GUCY1A2: variants seen among roughly 807,000 people sequenced by gnomAD.
GUCY1A2 encodes the protein guanylate cyclase 1 soluble subunit alpha 2.
Under a neutral mutation model 63.5 loss-of-function variants are expected in GUCY1A2, and 27 were observed. That is an observed-to-expected ratio of 0.43 (90% CI 0.31 to 0.59). The LOEUF (loss-of-function observed/expected upper bound fraction) is 0.59, where lower values mean the gene tolerates loss of function less well. GUCY1A2 is among the 20% of genes least tolerant of loss of function. The pLI is 0.11. For missense variants in GUCY1A2, 768 were observed against 913.3 expected (o/e 0.84, Z 2.05); for synonymous variants, 364 against 343.5 (o/e 1.06, Z -0.66).
intron 1 of GUCY1A2, among the ~76,000 whole-genome samples, chr11:107,011,545 TATAA>T (rs954135938): frequency 2.7e-5 from 4 of 146,642 alleles, no homozygotes; most frequent in African/African-American, 7.4e-5. Flanking sequence ...ATATTAAATA[TATAA>T]ATATATTTAT....
chr11:106,803,187 G>A (rs1170258480), intron 5 of GUCY1A2, among the ~76,000 whole-genome samples: 1 of 152,080 alleles, frequency 6.6e-6, no homozygotes, highest in Non-Finnish European at 1.5e-5. Context: ...ATAGACATTT[G>A]GGGTTCAGTT....
At chr11:106,790,282 C>T (rs1195006479) in intron 5 of GUCY1A2, among the ~76,000 whole-genome samples, 2 of 152,188 alleles carry the variant, frequency 1.3e-5, no homozygotes, top group Non-Finnish European at 2.9e-5. Context: ...CCACCATAGG[C>T]CCACAGGGAC....
At chr11:106,702,797 T>C (rs1862839417) in intron 7 of GUCY1A2, among the ~76,000 whole-genome samples, 1 of 152,076 alleles carries the variant, frequency 6.6e-6, no homozygotes. Context: ...TCCCTTCTTG[T>C]AGGAAGAATA....
chr11:106,897,722 G>A, intron 4 of GUCY1A2, among the ~76,000 whole-genome samples: 1 of 150,630 alleles, frequency 6.6e-6, no homozygotes, highest in African/African-American at 2.4e-5. Context: ...ATGGATCACA[G>A]ACCAAATGTT....
intron 6 of GUCY1A2, among the ~76,000 whole-genome samples, chr11:106,722,369 C>G (rs1011940752): frequency 1.3e-5 from 2 of 151,756 alleles, no homozygotes; most frequent in African/African-American, 4.8e-5. Context: ...CCAAATTTAG[C>G]TATTTTTAAA....
Position 106,994,471 on chromosome 11 carries a change from T to C in GUCY1A2, c.304-8340A>G, listed in dbSNP as rs568200360. Among the ~76,000 whole-genome samples, 22 of 152,340 alleles carry C rather than the reference T, an allele frequency of 1.4e-4. No homozygotes were observed. In the South Asian group the frequency reaches 4.4e-3, roughly 30 times the overall value. ...TTCAGGCAAGAACACACTTAAGTCA[T>C]CCAAGGATGTCTGATGTTTTCAAAG... On this transcript the variant is annotated intron_variant, in intron 1 of 7. Transcript: ENST00000526355.
intron 1 of GUCY1A2, among the ~76,000 whole-genome samples, chr11:107,012,208 T>C (rs546500133): frequency 3.4e-4 from 52 of 152,206 alleles, no homozygotes; most frequent in African/African-American, 1.2e-3. Context: ...CAGTTTTAAT[T>C]TTTTTAATGG....
At chr11:107,014,866 T>C (rs1442974654) in intron 1 of GUCY1A2, among the ~76,000 whole-genome samples, 2 of 151,892 alleles carry the variant, frequency 1.3e-5, no homozygotes, top group African/African-American at 4.8e-5. Context: ...GAAATTCCCA[T>C]CTAAAAAGGC....
chr11:106,845,520 T>C (rs983393695), intron 4 of GUCY1A2, among the ~76,000 whole-genome samples: 6 of 151,638 alleles, frequency 4.0e-5, no homozygotes, highest in African/African-American at 1.2e-4. Flanking sequence ...TCTTCCATAT[T>C]GGAAGAAGTT....
At chr11:106,830,146 A>T (rs1160273633) in intron 4 of GUCY1A2, among the ~76,000 whole-genome samples, 3 of 152,208 alleles carry the variant, frequency 2.0e-5, no homozygotes, top group Admixed American at 6.5e-5. Context: ...TTTCTCCTTT[A>T]TCATGTGACA....
At chr11:106,736,788 G>A (rs1490336373) in intron 6 of GUCY1A2, among the ~76,000 whole-genome samples, 2 of 152,052 alleles carry the variant, frequency 1.3e-5, no homozygotes, top group African/African-American at 4.8e-5. Context: ...CATTTCTTGT[G>A]TGTCTTCAAT....
intron 5 of GUCY1A2, among the ~76,000 whole-genome samples, chr11:106,800,815 C>A (rs1296374665): frequency 6.6e-6 from 1 of 151,624 alleles, no homozygotes; most frequent in Non-Finnish European, 1.5e-5. Flanking sequence ...TGCAGCACAC[C>A]AACATGGCAT....
At chr11:106,760,120 T>C (rs899682110) in intron 6 of GUCY1A2, among the ~76,000 whole-genome samples, 6 of 152,186 alleles carry the variant, frequency 3.9e-5, no homozygotes, top group Non-Finnish European at 7.3e-5. Context: ...GCCAACACGT[T>C]GATCTCGGGA....
chr11:107,013,527 G>C (rs1565360268), intron 1 of GUCY1A2, among the ~76,000 whole-genome samples: 1 of 152,094 alleles, frequency 6.6e-6, no homozygotes, highest in Admixed American at 6.5e-5. Flanking sequence ...TCTTCAATCA[G>C]GTCTTAAGGT....
chr11:106,864,050 C>T (rs1859552869), intron 4 of GUCY1A2, among the ~76,000 whole-genome samples: 1 of 151,924 alleles, frequency 6.6e-6, no homozygotes, highest in African/African-American at 2.4e-5. Flanking sequence ...GGGCATCACA[C>T]ACCCTGCCTG....
chr11:106,943,305 ATGCTAATC>A (rs1860775584), intron 3 of GUCY1A2, among the ~76,000 whole-genome samples: 1 of 152,210 alleles, frequency 6.6e-6, no homozygotes, highest in Non-Finnish European at 1.5e-5. Flanking sequence ...CATATAGACA[ATGCTAATC>A]TCCTCACATC....
Position 106,687,384 on chromosome 11 carries a change from G to C in GUCY1A2, c.*165C>G, listed in dbSNP as rs945359712. ...CATCCTCCGGCTTTTTATTGACAGC[G>C]GTCACCTCCACCTTTTAGTAGGATT... On this transcript the variant is annotated 3_prime_UTR_variant, in exon 8 of 8. Coordinates refer to ENST00000526355, the MANE Select transcript of GUCY1A2 (RefSeq NM_000855.3). 4.8e-6 allele frequency: 3 copies of C among 619,888 alleles called. No homozygotes were observed. The highest frequency in any genetic ancestry group is 8.6e-6 in the Non-Finnish European group (3 of 347,846). 38.4% of individuals were successfully genotyped at this position (619,888 alleles called of 1,614,324 possible).
chr11:106,957,855 CTTTTTTTTTTT>C lies in GUCY1A2; in HGVS notation c.488-17688_488-17678del, dbSNP rs59519013. On this transcript the variant is annotated intron_variant, in intron 3 of 7. Coordinates refer to ENST00000526355, the MANE Select transcript of GUCY1A2 (RefSeq NM_000855.3). ...AGTCCAGTCTGAGCAAAGGGACAAA[CTTTTTTTTTTT>C]TTTTTTTTTTTTTTTTTTTTTTTCA... Among the ~76,000 whole-genome samples the C allele has an allele frequency of 1.3e-3, 110 of 87,254 alleles. No individual in the cohort carries two copies. The East Asian group carries it at 0.017, about 13-fold the overall frequency. 57.2% of individuals were successfully genotyped at this position (87,254 alleles called of 152,430 possible). A position where few individuals can be genotyped will look rare whatever the true frequency, so the allele number is the denominator to read the frequency against.
At chr11:106,727,747 C>G (rs1053868430) in intron 6 of GUCY1A2, among the ~76,000 whole-genome samples, 9 of 152,236 alleles carry the variant, frequency 5.9e-5, no homozygotes, top group African/African-American at 2.2e-4. Context: ...GCCAATTTTG[C>G]CTTCTAAATG....
Sources: gnomAD v4.1 joint callset for allele counts (sites outside exome capture counted in the v4.1 genomes callset) on GRCh38, gnomAD v4.1.1 for gene constraint, MANE v1.5 for transcripts, NCBI Gene and HGNC (gene_info 2026-07-23, HGNC 2026-07-21) for gene names.